NIPAL1: variants seen among roughly 807,000 people sequenced by gnomAD.
NIPAL1 encodes the protein NIPA like domain containing 1.
NIPAL1 carries 35 observed loss-of-function variants against 37.7 expected under a neutral mutation model. That is an observed-to-expected ratio of 0.93 (90% CI 0.71 to 1.23). The LOEUF (loss-of-function observed/expected upper bound fraction) is 1.23. Ranked by LOEUF, NIPAL1 falls within the 50% of genes most tolerant of loss-of-function variation. The probability of loss-of-function intolerance (pLI) is 0.00; values close to 1 mark genes in which losing one functional copy is unlikely to be tolerated. For synonymous variants in NIPAL1, 162 were observed against 183.0 expected (o/e 0.89, Z 0.93); for missense variants, 412 against 473.9 (o/e 0.87, Z 1.21).
intron 4 of NIPAL1, 57 bp downstream of exon 4, chr4:48,033,140 T>A: frequency 2.0e-6 from 2 of 1,022,350 alleles, no homozygotes; most frequent in Non-Finnish European, 3.1e-6. Context: ...AAGATAAACT[T>A]AAACCATAAT....
intron 1 of NIPAL1, among the ~76,000 whole-genome samples, chr4:48,023,701 T>C (rs910721141): frequency 4.9e-4 from 75 of 152,312 alleles, no homozygotes; most frequent in Middle Eastern, 3.4e-3. Context: ...TTTTGTATTT[T>C]AGTGTTTAGC....
chr4:48,034,784 A>T (rs1336181037), intron 4 of NIPAL1, 97 bp from the exon 5 acceptor site: 3 of 862,668 alleles, frequency 3.5e-6, no homozygotes, highest in Non-Finnish European at 5.6e-6. Context: ...GCTCATTGGG[A>T]TACATGGTGG....
intron 2 of NIPAL1, among the ~76,000 whole-genome samples, chr4:48,026,721 T>TA (rs367669592): frequency 0.13 from 18,549 of 141,930 alleles, 1,363 homozygotes; most frequent in South Asian, 0.28. Flanking sequence ...AAAAATAAAA[T>TA]TTTTTTTTTT....
intron 1 of NIPAL1, among the ~76,000 whole-genome samples, chr4:48,017,825 T>C (rs1307592962): frequency 6.6e-6 from 1 of 150,826 alleles, no homozygotes; most frequent in African/African-American, 2.4e-5. Flanking sequence ...TGGTAAGAAC[T>C]ACTATATATA....
chr4:48,030,483 A>G (rs1271741789), intron 3 of NIPAL1, among the ~76,000 whole-genome samples: 1 of 152,224 alleles, frequency 6.6e-6, no homozygotes, highest in Non-Finnish European at 1.5e-5. Flanking sequence ...AACAATAGAG[A>G]AAAGTACTTT....
At chr4:48,024,353 G>C (rs1422322521) in intron 1 of NIPAL1, among the ~76,000 whole-genome samples, 1 of 151,490 alleles carries the variant, frequency 6.6e-6, no homozygotes, top group East Asian at 1.9e-4. Context: ...ATCGCAGCTC[G>C]CTGCAGCTTC....
At chr4:48,023,435 A>G (rs140238917) in intron 1 of NIPAL1, among the ~76,000 whole-genome samples, 11 of 152,292 alleles carry the variant, frequency 7.2e-5, no homozygotes, top group Admixed American at 2.0e-4. Flanking sequence ...CATTTGATCA[A>G]ACTGCCTCTT....
Position 48,020,810 on chromosome 4 carries a change from A to T in NIPAL1, c.46+3925A>T, listed in dbSNP as rs532933520. The stretch of plus-strand genomic sequence containing the variant: ...TGAATACTGAATGAATAATAATCCA[A>T]ACTATCACAGTAGAATAGATGGTGA... On this transcript the variant is annotated intron_variant, in intron 1 of 5. Coordinates refer to ENST00000295461, the MANE Select transcript of NIPAL1 (RefSeq NM_207330.3). Among the ~76,000 whole-genome samples the T allele has an allele frequency of 5.1e-4, 78 of 152,282 alleles. No homozygotes were observed. In the South Asian group the frequency reaches 0.016, roughly 30 times the overall value.
intron 1 of NIPAL1, among the ~76,000 whole-genome samples, chr4:48,022,502 C>A (rs1271560137): frequency 3.3e-5 from 5 of 152,188 alleles, no homozygotes; most frequent in African/African-American, 1.2e-4. Flanking sequence ...AAACATTTTG[C>A]TGTATCAACA....
At chr4:48,031,705 A>G (rs1205673780) in intron 3 of NIPAL1, among the ~76,000 whole-genome samples, 1 of 152,182 alleles carries the variant, frequency 6.6e-6, no homozygotes, top group Non-Finnish European at 1.5e-5. Context: ...TAAATAATAT[A>G]AAGTATCCAA....
chr4:48,024,414 GACCACAGACGTGCACCACCA>G (rs1201794828), intron 1 of NIPAL1, among the ~76,000 whole-genome samples: 1 of 151,922 alleles, frequency 6.6e-6, no homozygotes, highest in East Asian at 1.9e-4. Context: ...GAGTAGCTTG[GACCACAGACGTGCACCACCA>G]CGCCCGGTTA....
At position 48,037,790 on chromosome 4, in the gene NIPAL1, G is replaced by A. The variant is rs1209875858; in HGVS notation, c.*1618G>A. 6.6e-6 allele frequency: 1 copy of A among 152,060 alleles called. No individual in the cohort carries two copies. Among genetic ancestry groups the A allele is most frequent in the Non-Finnish European group, 1.5e-5 (1 of 67,998 alleles). 9.4% of individuals were successfully genotyped at this position (152,060 alleles called of 1,614,324 possible). A position where few individuals can be genotyped will look rare whatever the true frequency, so the allele number is the denominator to read the frequency against. On this transcript the variant is annotated 3_prime_UTR_variant, in exon 6 of 6. Transcript: ENST00000295461. Reference sequence around the variant, plus strand: ...CCCTCTCATTTCAAATGCATGGCAGGAATAACATTTTTGGTGGTCTTTAAT... The same window carrying A: ...CCCTCTCATTTCAAATGCATGGCAGAAATAACATTTTTGGTGGTCTTTAAT...
At chr4:48,031,221 C>T (rs56203601) in intron 3 of NIPAL1, among the ~76,000 whole-genome samples, 80,434 of 151,798 alleles carry the variant, frequency 0.53, 21,883 homozygotes, top group African/African-American at 0.56. Context: ...CACACCACCA[C>T]ACCCAGCTAA....
rs1271853007 is a variant in NIPAL1, at chr4:48,037,798, T to G, written c.*1626T>G. 1.3e-5 allele frequency: 2 copies of G among 152,186 alleles called. No homozygotes were observed. Among genetic ancestry groups the G allele is most frequent in the Non-Finnish European group, 2.9e-5 (2 of 68,022 alleles). 9.4% of individuals were successfully genotyped at this position (152,186 alleles called of 1,614,324 possible). ...TTTCAAATGCATGGCAGGAATAACA[T>G]TTTTGGTGGTCTTTAATGTGATGGA... is the stretch of plus-strand genomic sequence containing the variant. On this transcript the variant is annotated 3_prime_UTR_variant, in exon 6 of 6. Transcript: ENST00000295461.
At chr4:48,023,431 A>C (rs541230010) in intron 1 of NIPAL1, among the ~76,000 whole-genome samples, 1 of 152,222 alleles carries the variant, frequency 6.6e-6, no homozygotes, top group Non-Finnish European at 1.5e-5. Flanking sequence ...ACATCATTTG[A>C]TCAAACTGCC....
In NIPAL1 at chr4:48,035,872, T is replaced by C. The variant is rs987633920; in HGVS notation, c.933T>C (p.Tyr311=). 8 of 1,613,966 alleles carry C rather than the reference T, an allele frequency of 5.0e-6. No homozygotes were observed. The Middle Eastern group carries it at 4.9e-4, about 99-fold the overall frequency. Residue 311 remains tyrosine (Y), a synonymous_variant, in exon 6 of 6, where the codon TAT becomes TAC. Transcript: ENST00000295461. ...FNTSLVTPIY[Y]VFFTSMVVTC... is the part of the protein sequence containing the mutation. ...CCTCTCTTGTGACACCCATTTATTA[T>C]GTATTCTTCACATCCATGGTAGTGA...
rs756532325 is a variant in NIPAL1, at chr4:48,025,154, C to T, written c.133C>T (p.Leu45Phe). Residue 45 changes from leucine to phenylalanine, a missense_variant, in exon 2 of 6, where the codon CTC (leucine) becomes TTC (phenylalanine). Physicochemically the swap from Leu to Phe is conservative, Grantham distance 22 (BLOSUM62 0). Coordinates refer to ENST00000295461, the MANE Select transcript of NIPAL1 (RefSeq NM_207330.3). ...GTCACAGCTGCTGGCTTCTCCTGTG[C>T]TCTACACGGACCTGAATTACAGCAT... ...NVSQLLASPV[L>F]YTDLNYSINN... The T allele has an allele frequency of 1.4e-5, 23 of 1,613,644 alleles. No individual in the cohort carries two copies. The highest frequency in any genetic ancestry group is 1.9e-5 in the Non-Finnish European group (22 of 1,179,892).
chr4:48,025,863 C>T, intron 2 of NIPAL1, among the ~76,000 whole-genome samples: 1 of 152,166 alleles, frequency 6.6e-6, no homozygotes, highest in East Asian at 1.9e-4. Context: ...ACCTACTTTT[C>T]TCTTGTTCCT....
intron 2 of NIPAL1, among the ~76,000 whole-genome samples, chr4:48,028,356 G>A (rs1203870466): frequency 6.6e-6 from 1 of 152,070 alleles, no homozygotes; most frequent in Non-Finnish European, 1.5e-5. Flanking sequence ...ATGGTGCAAG[G>A]AAAATTGTAG....
Sources: gnomAD v4.1 joint callset for allele counts (sites outside exome capture counted in the v4.1 genomes callset) on GRCh38, gnomAD v4.1.1 for gene constraint, MANE v1.5 for transcripts, NCBI Gene and HGNC (gene_info 2026-07-23, HGNC 2026-07-21) for gene names.